Variants in ZNF705A observed in about 807,000 individuals in gnomAD.
ZNF705A encodes zinc finger protein 705A.
In ZNF705A, 8 loss-of-function variants were observed where a neutral mutation model predicts 16.6. The observed-to-expected ratio is 0.48, with a 90% CI of 0.28 to 0.87. The LOEUF is 0.87. Among genes scored for constraint, ZNF705A ranks in the 40% least tolerant of loss-of-function variants. The pLI is 0.10. For synonymous variants in ZNF705A, 73 were observed against 117.3 expected (o/e 0.62, Z 2.44); for missense variants, 233 against 359.9 (o/e 0.65, Z 2.85).
Position 8,165,343 on chromosome 12 carries a change from C to T in ZNF705A, c.-71-7212C>T, listed in dbSNP as rs757542028. Among the ~76,000 whole-genome samples, 51 of 132,178 alleles carry T rather than the reference C, an allele frequency of 3.9e-4. 1 individual carries two copies. Among genetic ancestry groups the T allele is most frequent in the Non-Finnish European group, 6.4e-4 (42 of 65,360 alleles). 86.7% of individuals were successfully genotyped at this position (132,178 alleles called of 152,430 possible). A position where few individuals can be genotyped will look rare whatever the true frequency, so the allele number is the denominator to read the frequency against. ...TGTCACCCAGGCTGGAGTGCAGTGG[C>T]GTGATCTCGGCTCACTGCAAGCTCC... is the stretch of plus-strand genomic sequence containing the variant. On this transcript the variant is annotated intron_variant, in intron 1 of 5. Coordinates refer to the ZNF705A transcript ENST00000396570.
At chr12:8,172,385 C>T (rs1239188379), upstream of ZNF705A, among the ~76,000 whole-genome samples, 2 of 151,914 alleles carry the variant, frequency 1.3e-5, no homozygotes, top group African/African-American at 2.4e-5. Context: ...TAGTCATAGG[C>T]TTCCTAATTT....
intron 1 of ZNF705A, among the ~76,000 whole-genome samples, chr12:8,159,892 C>A (rs1189735889): frequency 6.6e-6 from 1 of 152,004 alleles, no homozygotes; most frequent in African/African-American, 2.4e-5. Context: ...TCATGAAATC[C>A]TTGCCTAAGC....
chr12:8,160,613 T>C (rs1948346544), intron 1 of ZNF705A, among the ~76,000 whole-genome samples: 1 of 151,938 alleles, frequency 6.6e-6, no homozygotes, highest in African/African-American at 2.4e-5. Context: ...AAGTTCTTGA[T>C]TTGGTTCTCC....
chr12:8,167,435 G>A (rs1420916217), intron 1 of ZNF705A, among the ~76,000 whole-genome samples: 1 of 152,174 alleles, frequency 6.6e-6, no homozygotes, highest in Non-Finnish European at 1.5e-5. Flanking sequence ...ATCAGGGCAT[G>A]TCTCTTGGAA....
chr12:8,176,550 A>C (rs1302956272), intron 4 of ZNF705A, among the ~76,000 whole-genome samples: 1 of 152,246 alleles, frequency 6.6e-6, no homozygotes, highest in Non-Finnish European at 1.5e-5. Context: ...GGAATAATGC[A>C]GGAAAGCTGC....
At chr12:8,167,842 T>G (rs1166872127), upstream of ZNF705A, among the ~76,000 whole-genome samples, 1 of 152,134 alleles carries the variant, frequency 6.6e-6, no homozygotes, top group Non-Finnish European at 1.5e-5. Context: ...GAGTGGAAGT[T>G]TATTTAAAAA....
exon 5 of ZNF705A, chr12:8,177,668 C>T (rs1948497575): frequency 3.2e-6 from 5 of 1,569,364 alleles, no homozygotes; most frequent in Admixed American, 2.0e-5. Flanking sequence ...TCTTAAATAG[C>T]ATCAGAAAAT....
intron 1 of ZNF705A, among the ~76,000 whole-genome samples, chr12:8,167,532 G>A (rs1277627752): frequency 3.9e-5 from 6 of 152,312 alleles, no homozygotes; most frequent in Admixed American, 3.3e-4. Context: ...AAGAGCATCT[G>A]AAGAGTTTAA....
At chr12:8,158,362 G>T (rs750939059) in intron 1 of ZNF705A, among the ~76,000 whole-genome samples, 9 of 152,070 alleles carry the variant, frequency 5.9e-5, no homozygotes, top group African/African-American at 2.2e-4. Flanking sequence ...TTCTTTTCTA[G>T]AGTTTCATCC....
exon 5 of ZNF705A, chr12:8,177,475 T>G: frequency 1.2e-6 from 2 of 1,612,282 alleles, no homozygotes; most frequent in Admixed American, 3.3e-5. Context: ...GGAAAGCCTT[T>G]AGTCAAAGCT....
upstream of ZNF705A, among the ~76,000 whole-genome samples, chr12:8,171,321 TACATGCATGTTTCCCCCTGTCTCAA>T (rs1948443039): frequency 1.3e-5 from 2 of 152,222 alleles, no homozygotes; most frequent in Non-Finnish European, 2.9e-5. Flanking sequence ...AGGGAAATAA[TACATGCATGTTTCCCCCTGTCTCAA>T]ACACATACAT....
intron 1 of ZNF705A, among the ~76,000 whole-genome samples, chr12:8,160,904 A>G (rs1372043114): frequency 6.6e-6 from 1 of 152,104 alleles, no homozygotes; most frequent in Non-Finnish European, 1.5e-5. Flanking sequence ...GTCTTGTTCC[A>G]GTTCTCAGAG....
chr12:8,172,624 C>A (rs1948454123), exon 1 of ZNF705A: 1 of 1,596,448 alleles, frequency 6.3e-7, no homozygotes, highest in South Asian at 1.1e-5. Flanking sequence ...GAGTTCCGGA[C>A]AATGCATTCA....
At chr12:8,161,619 T>A (rs1948355927) in intron 1 of ZNF705A, among the ~76,000 whole-genome samples, 1 of 152,166 alleles carries the variant, frequency 6.6e-6, no homozygotes, top group Admixed American at 6.5e-5. Flanking sequence ...TGATCAGTGG[T>A]GTCAGTTGTA....
chr12:8,166,395 GA>G (rs1339976967), intron 1 of ZNF705A, among the ~76,000 whole-genome samples: 1 of 152,186 alleles, frequency 6.6e-6, no homozygotes, highest in Non-Finnish European at 1.5e-5. Flanking sequence ...GTTGTGGGGG[GA>G]CCCAGTGGCG....
intron 1 of ZNF705A, among the ~76,000 whole-genome samples, chr12:8,158,438 G>T (rs1948326674): frequency 6.6e-6 from 1 of 151,954 alleles, no homozygotes; most frequent in Non-Finnish European, 1.5e-5. Context: ...CTGTTTTTGA[G>T]ATTTATCTAT....
At chr12:8,165,825 A>T (rs767161457) in intron 1 of ZNF705A, among the ~76,000 whole-genome samples, 1 of 152,274 alleles carries the variant, frequency 6.6e-6, no homozygotes, top group Non-Finnish European at 1.5e-5. Context: ...CTCCAGCTTC[A>T]TCTATGTTGG....
At chr12:8,168,628 TC>T (rs1156686005), upstream of ZNF705A, among the ~76,000 whole-genome samples, 1 of 152,176 alleles carries the variant, frequency 6.6e-6, no homozygotes, top group African/African-American at 2.4e-5. Flanking sequence ...AAATGGCATA[TC>T]CTTAGTAGTA....
At chr12:8,165,906 A>G (rs2120707732) in intron 1 of ZNF705A, among the ~76,000 whole-genome samples, 2 of 152,022 alleles carry the variant, frequency 1.3e-5, no homozygotes, top group Middle Eastern at 3.4e-3. Flanking sequence ...TTCTCTATCC[A>G]CTCTAACATT....
Sources: allele counts gnomAD v4.1 joint callset (sites outside exome capture counted in the v4.1 genomes callset), GRCh38; gene constraint gnomAD v4.1.1; transcripts MANE v1.5; gene names NCBI Gene and HGNC (gene_info 2026-07-23, HGNC 2026-07-21).